STAMBP: variants seen among roughly 807,000 people sequenced by gnomAD.
STAMBP encodes the protein STAM binding protein.
STAMBP carries 31 observed loss-of-function variants against 50.7 expected under a neutral mutation model. The ratio of observed to expected loss-of-function variants is 0.61; its 90% CI spans 0.46 to 0.83. The LOEUF is 0.83. Ranked by LOEUF, STAMBP falls within the 40% of genes least tolerant of loss-of-function variation. The pLI is 0.00. For missense variants in STAMBP, 472 were observed against 518.9 expected, an observed-to-expected ratio of 0.91 and a Z score of 0.88; for synonymous variants, 211 against 192.4, an observed-to-expected ratio of 1.10 and a Z score of -0.80.
downstream of STAMBP, among the ~76,000 whole-genome samples, chr2:73,871,844 C>T (rs1197012327): frequency 2.6e-5 from 4 of 151,986 alleles, no homozygotes; most frequent in African/African-American, 9.7e-5. Context: ...CTCAGCTCAC[C>T]GCAACCTCTA....
intron 2 of STAMBP, among the ~76,000 whole-genome samples, chr2:73,831,586 G>C (rs912855404): frequency 6.6e-6 from 1 of 152,096 alleles, no homozygotes; most frequent in Non-Finnish European, 1.5e-5. Context: ...TATCATCTTA[G>C]GGTAGGCAGC....
chr2:73,870,515 C>T (rs1156900935), downstream of STAMBP, among the ~76,000 whole-genome samples: 1 of 152,212 alleles, frequency 6.6e-6, no homozygotes, highest in Non-Finnish European at 1.5e-5. Context: ...CAAAGAAGAA[C>T]TCCCACCGTG....
Position 73,845,182 on chromosome 2 carries a change from G to C in STAMBP, c.295G>C (p.Ala99Pro). The C allele has an allele frequency of 6.2e-7, 1 of 1,613,862 alleles. No individual in the cohort carries two copies. The highest frequency in any genetic ancestry group is 8.5e-7 in the Non-Finnish European group (1 of 1,179,800). ...TGTGTCTCAGAAATTAAAGGAGATT[G>C]CATTTCCCAAAGCAGAAGAGCTGAA... Reference protein sequence around the residue: ...KDTVKKLKEIAFPKAEELKAE... With the variant: ...KDTVKKLKEIPFPKAEELKAE... Residue 99 changes from alanine (A) to proline (P), a missense_variant, in exon 4 of 10, where the codon GCA becomes CCA. By Grantham distance (27) the Ala-to-Pro change is conservative. Transcript: ENST00000394070.
Position 73,847,438 on chromosome 2 carries a change from G to A in STAMBP, c.427G>A (p.Glu143Lys), listed in dbSNP as rs1015940392. The A allele has an allele frequency of 1.9e-5, 30 of 1,613,620 alleles. No individual in the cohort carries two copies. The highest frequency in any genetic ancestry group is 2.5e-5 in the Non-Finnish European group (29 of 1,179,612). Residue 143 changes from glutamate (E) to lysine (K), a missense_variant, in exon 5 of 10, where the codon GAA (glutamate) becomes AAA (lysine). Coordinates refer to ENST00000394070, the MANE Select transcript of STAMBP (RefSeq NM_213622.4). ...ARNMAIQQEL[E>K]KEKQRVAQQK... ...GAACATGGCCATCCAGCAAGAGCTG[G>A]AAAAGGAAAAACAGAGGGTAGCACA...
Position 73,850,325 on chromosome 2 carries a change from G to A in STAMBP, c.868-51G>A. The stretch of plus-strand genomic sequence containing the variant: ...TCCACTGTCGGGATGGAGTGGAGCA[G>A]GGTTGCATGAGCACCAGGGAATTGT... On this transcript the variant is annotated intron_variant, in intron 6 of 9. Transcript: ENST00000394070. This position sits in a 1 kb window ranked among gnomAD's most constrained non-coding sequence, Gnocchi z 4.3. 2 of 1,575,950 alleles carry A rather than the reference G, an allele frequency of 1.3e-6. No homozygotes were observed. Among genetic ancestry groups the A allele is most frequent in the South Asian group, 2.4e-5 (2 of 83,714 alleles).
At chr2:73,858,736 G>C (rs191370114) in intron 7 of STAMBP, among the ~76,000 whole-genome samples, 1 of 152,312 alleles carries the variant, frequency 6.6e-6, no homozygotes, top group African/African-American at 2.4e-5. Flanking sequence ...TACAGTGCTG[G>C]AAAGGAGCTT....
Position 73,832,516 on chromosome 2 carries a change from T to G in STAMBP, c.203+1457T>G, listed in dbSNP as rs545870489. Among the ~76,000 whole-genome samples, 9 of 151,338 alleles carry G rather than the reference T, an allele frequency of 5.9e-5. No homozygotes were observed. In the South Asian group the frequency reaches 1.9e-3, roughly 32 times the overall value. On this transcript the variant is annotated intron_variant, in intron 2 of 9. Coordinates refer to ENST00000394070, the MANE Select transcript of STAMBP (RefSeq NM_213622.4). ...TCCTCTTTTCCCCCCAAACCCTCAG[T>G]GCTTCTCCCCAGAGACAACCACTCT...
At chr2:73,844,677 G>A (rs1675837972) in intron 2 of STAMBP, 136 bp from the exon 3 acceptor site, 3 of 628,584 alleles carry the variant, frequency 4.8e-6, no homozygotes, top group Non-Finnish European at 8.2e-6. Flanking sequence ...GGCCCAGCTG[G>A]GTGTATTAGC....
chr2:73,835,404 G>A (rs567010298), intron 2 of STAMBP, among the ~76,000 whole-genome samples: 4 of 150,620 alleles, frequency 2.7e-5, no homozygotes, highest in East Asian at 2.0e-4. Context: ...GGCTGGTCTC[G>A]AACTCCTGGA....
chr2:73,870,645 A>G (rs576702198), downstream of STAMBP, among the ~76,000 whole-genome samples: 79 of 152,282 alleles, frequency 5.2e-4, no homozygotes, highest in African/African-American at 1.9e-3. Flanking sequence ...TACCTAGACT[A>G]AAGGAAGTAA....
At chr2:73,833,429 G>A (rs887532227) in intron 2 of STAMBP, among the ~76,000 whole-genome samples, 1 of 152,090 alleles carries the variant, frequency 6.6e-6, no homozygotes, top group Non-Finnish European at 1.5e-5. Flanking sequence ...TTCTGCTTCT[G>A]TTTGCTGTTA....
intron 2 of STAMBP, among the ~76,000 whole-genome samples, chr2:73,837,333 C>G (rs1475532368): frequency 6.6e-6 from 1 of 152,076 alleles, no homozygotes; most frequent in Non-Finnish European, 1.5e-5. Context: ...CGCCTGTAAT[C>G]CCAGCACTTT....
chr2:73,846,372 T>C (rs1424861443), intron 4 of STAMBP, among the ~76,000 whole-genome samples: 1 of 151,998 alleles, frequency 6.6e-6, no homozygotes, highest in African/African-American at 2.4e-5. Context: ...GAGCCTGAAG[T>C]GGGTGATCGC....
At chr2:73,846,328 G>A (rs568243924) in intron 4 of STAMBP, among the ~76,000 whole-genome samples, 7 of 152,174 alleles carry the variant, frequency 4.6e-5, no homozygotes, top group South Asian at 4.2e-4. Flanking sequence ...AAGGCAAGAC[G>A]TGGTGGCTCA....
At chr2:73,873,415 G>A (rs1452157394) in exon 11 of STAMBP, 1 of 152,170 alleles carries the variant, frequency 6.6e-6, no homozygotes, top group Non-Finnish European at 1.5e-5. Context: ...CTTTACAGTG[G>A]AGAAGGAGCT....
chr2:73,870,691 G>A (rs544076555), downstream of STAMBP, among the ~76,000 whole-genome samples: 36 of 152,244 alleles, frequency 2.4e-4, 1 homozygote, highest in African/African-American at 8.2e-4. Flanking sequence ...ATTCCCTATG[G>A]TTAGCTTCCC....
At chr2:73,840,398 A>G (rs1675239815) in intron 2 of STAMBP, among the ~76,000 whole-genome samples, 1 of 135,660 alleles carries the variant, frequency 7.4e-6, no homozygotes, top group Admixed American at 8.2e-5. Context: ...GTACTGTTTT[A>G]TAATGATCTC....
At chr2:73,857,290 G>A (rs760693518) in intron 7 of STAMBP, among the ~76,000 whole-genome samples, 9 of 152,080 alleles carry the variant, frequency 5.9e-5, no homozygotes, top group African/African-American at 9.7e-5. Flanking sequence ...CATCCAACCA[G>A]GAATTCCAGA....
At chr2:73,836,430 T>G (rs988176687) in intron 2 of STAMBP, among the ~76,000 whole-genome samples, 8 of 152,146 alleles carry the variant, frequency 5.3e-5, no homozygotes, top group African/African-American at 1.9e-4. Flanking sequence ...GCCCTCAAGG[T>G]GGGGTGGCTG....
Sources: allele counts gnomAD v4.1 joint callset (sites outside exome capture counted in the v4.1 genomes callset), GRCh38; gene constraint gnomAD v4.1.1; non-coding constraint Gnocchi (gnomAD v3.1); transcripts MANE v1.5; gene names NCBI Gene and HGNC (gene_info 2026-07-23, HGNC 2026-07-21).